MCOLN2: variants seen among roughly 807,000 people sequenced by gnomAD.
MCOLN2 encodes mucolipin TRP cation channel 2, also known as mucolipin-2.
Under a neutral mutation model 67.5 loss-of-function variants are expected in MCOLN2, and 57 were observed. The observed-to-expected ratio is 0.84, with a 90% CI of 0.68 to 1.05. The LOEUF (loss-of-function observed/expected upper bound fraction) is 1.05, where lower values mean the gene tolerates loss of function less well. Among genes scored for constraint, MCOLN2 ranks in the 50% least tolerant of loss-of-function variants. MCOLN2 has a pLI of 0.00. For missense variants in MCOLN2, 620 were observed against 678.8 expected (o/e 0.91, Z 0.96); for synonymous variants, 246 against 233.3 (o/e 1.05, Z -0.50).
intron 13 of MCOLN2, 128 bp downstream of exon 13, chr1:84,929,430 G>C (rs1661298677): frequency 9.0e-7 from 1 of 1,115,882 alleles, no homozygotes; most frequent in Non-Finnish European, 1.2e-6. Context: ...TGGGAGGAAA[G>C]AAAAGAAAGG....
At chr1:84,936,334 A>C (rs1647427148) in intron 11 of MCOLN2, among the ~76,000 whole-genome samples, 1 of 152,200 alleles carries the variant, frequency 6.6e-6, no homozygotes, top group South Asian at 2.1e-4. Context: ...CCACTTGTCC[A>C]CAGACCTTGG....
At chr1:84,928,807 A>G (rs1661274911) in intron 13 of MCOLN2, among the ~76,000 whole-genome samples, 1 of 152,192 alleles carries the variant, frequency 6.6e-6, no homozygotes, top group South Asian at 2.1e-4. Context: ...TAACAGAAAA[A>G]TGCATCCTGT....
At chr1:84,990,575 A>T (rs987679937) in intron 1 of MCOLN2, among the ~76,000 whole-genome samples, 11 of 151,922 alleles carry the variant, frequency 7.2e-5, no homozygotes, top group Admixed American at 1.3e-4. Context: ...ACATATTGTA[A>T]TTTTTTTAAA....
At chr1:84,982,360 C>T (rs1343481645) in intron 1 of MCOLN2, among the ~76,000 whole-genome samples, 2 of 152,112 alleles carry the variant, frequency 1.3e-5, no homozygotes, top group African/African-American at 4.8e-5. Flanking sequence ...TGGTCTTGAA[C>T]TCCTGGCCTC....
chr1:84,987,560 G>GTA (rs1469966340), intron 1 of MCOLN2, among the ~76,000 whole-genome samples: 3 of 87,650 alleles, frequency 3.4e-5, no homozygotes, highest in African/African-American at 1.3e-4. Context: ...ATACATCTAT[G>GTA]TATACATAGA....
chr1:84,987,106 C>T (rs1180237731), intron 1 of MCOLN2, among the ~76,000 whole-genome samples: 1 of 151,276 alleles, frequency 6.6e-6, no homozygotes, highest in Non-Finnish European at 1.5e-5. Flanking sequence ...TTTGTAACTG[C>T]AAAAATATAA....
chr1:84,964,991 C>A (rs1649301057), intron 2 of MCOLN2, among the ~76,000 whole-genome samples: 1 of 152,280 alleles, frequency 6.6e-6, no homozygotes, highest in Non-Finnish European at 1.5e-5. Context: ...AGAGAAGCCT[C>A]CCCAATACTG....
rs1009777276 is a variant in MCOLN2 at position 84,956,497 on chromosome 1, G to T, written c.499C>A (p.His167Asn). ...GGAAACATGGTCCCTTTCTTGTAAT[G>T]CTGCTTACAGACTTTTAAGCCAATT... Reference protein sequence around the residue: ...NRIGLKVCKQHYKKGTMFPSN... With the variant: ...NRIGLKVCKQNYKKGTMFPSN... The change falls in exon 4 of 14, where the codon CAT becomes AAT. Residue 167 changes from histidine to asparagine, a missense_variant. By Grantham distance (68) the His-to-Asn change is moderately conservative. Transcript: ENST00000370608. The T allele has an allele frequency of 1.2e-6, 2 of 1,611,682 alleles. No homozygotes were observed. Among genetic ancestry groups the T allele is most frequent in the Admixed American group, 3.4e-5 (2 of 59,602 alleles).
At chr1:84,984,856 A>G (rs886163920) in intron 1 of MCOLN2, among the ~76,000 whole-genome samples, 1 of 152,138 alleles carries the variant, frequency 6.6e-6, no homozygotes, top group Non-Finnish European at 1.5e-5. Flanking sequence ...TTTGCTGGGC[A>G]TGCTGGCTCG....
At chr1:84,995,579 CT>C (rs1461992770) in intron 1 of MCOLN2, among the ~76,000 whole-genome samples, 2 of 121,790 alleles carry the variant, frequency 1.6e-5, no homozygotes, top group African/African-American at 2.7e-5. Context: ...ACTACTTTTA[CT>C]TTGAAAGCTA....
intron 1 of MCOLN2, among the ~76,000 whole-genome samples, chr1:84,968,953 T>C (rs368706223): frequency 2.0e-5 from 3 of 152,224 alleles, no homozygotes; most frequent in Non-Finnish European, 4.4e-5. Context: ...TGTTTGTTCA[T>C]ACCCTTTTTG....
intron 1 of MCOLN2, among the ~76,000 whole-genome samples, chr1:84,980,342 C>A (rs547718681): frequency 1.3e-5 from 2 of 152,090 alleles, no homozygotes; most frequent in East Asian, 3.9e-4. Context: ...CCACAAAGAA[C>A]CCAGAATAGT....
intron 1 of MCOLN2, among the ~76,000 whole-genome samples, chr1:84,990,771 TTAA>T (rs1382431423): frequency 6.6e-6 from 1 of 151,048 alleles, no homozygotes; most frequent in African/African-American, 2.4e-5. Context: ...ATAATAATAA[TTAA>T]TAATAATAAG....
intron 1 of MCOLN2, among the ~76,000 whole-genome samples, chr1:84,979,186 A>G (rs1281340835): frequency 6.6e-6 from 1 of 152,188 alleles, no homozygotes; most frequent in Non-Finnish European, 1.5e-5. Flanking sequence ...TGTATCCTTC[A>G]ATCCAATCAA....
chr1:84,987,076 G>A (rs555638549), intron 1 of MCOLN2, among the ~76,000 whole-genome samples: 6 of 151,896 alleles, frequency 4.0e-5, no homozygotes, highest in Admixed American at 6.6e-5. Context: ...ACTTGTACAC[G>A]CATGTTTATA....
chr1:84,949,663 A>G (rs1202298511), intron 6 of MCOLN2, among the ~76,000 whole-genome samples: 1 of 152,152 alleles, frequency 6.6e-6, no homozygotes, highest in Non-Finnish European at 1.5e-5. Flanking sequence ...AAAATAAAAA[A>G]ATACTGCAAG....
chr1:84,944,438 CAGA>C (rs559177055), intron 7 of MCOLN2, among the ~76,000 whole-genome samples: 43 of 151,972 alleles, frequency 2.8e-4, no homozygotes, highest in African/African-American at 9.9e-4. Context: ...GAGGCTAAGG[CAGA>C]AGAATTGCTT....
intron 7 of MCOLN2, among the ~76,000 whole-genome samples, chr1:84,944,547 AAG>A (rs1275716159): frequency 6.6e-6 from 1 of 152,030 alleles, no homozygotes; most frequent in African/African-American, 2.4e-5. Flanking sequence ...GAAAGAAAGA[AAG>A]AAAGAAAAAA....
chr1:84,938,411 G>C (rs1437809555), intron 9 of MCOLN2, among the ~76,000 whole-genome samples: 1 of 152,046 alleles, frequency 6.6e-6, no homozygotes, highest in Non-Finnish European at 1.5e-5. Context: ...AGGCATTCGA[G>C]GATACAAATT....
Sources: gnomAD v4.1 joint callset for allele counts (sites outside exome capture counted in the v4.1 genomes callset) on GRCh38, gnomAD v4.1.1 for gene constraint, MANE v1.5 for transcripts, NCBI Gene and HGNC (gene_info 2026-07-23, HGNC 2026-07-21) for gene names.